POLR1A: variants seen among roughly 807,000 people sequenced by gnomAD.
The protein encoded by POLR1A is RNA polymerase I subunit A.
POLR1A carries 84 observed loss-of-function variants against 205.3 expected under a neutral mutation model. The ratio of observed to expected loss-of-function variants is 0.41; its 90% CI spans 0.34 to 0.49. The LOEUF is 0.49. POLR1A is among the 20% of genes least tolerant of loss of function. The pLI, the probability that POLR1A is intolerant of heterozygous loss-of-function variation, is 0.22. For missense variants in POLR1A, 1,645 were observed against 2,204.5 expected (o/e 0.75, Z 5.08); for synonymous variants, 799 against 863.7 (o/e 0.93, Z 1.31).
chr2:86,101,431 G>C (rs1446887803), intron 1 of POLR1A, among the ~76,000 whole-genome samples: 1 of 152,086 alleles, frequency 6.6e-6, no homozygotes, highest in African/African-American at 2.4e-5. Context: ...TCACTCTAAG[G>C]GCCAAGGCGA....
intron 29 of POLR1A, among the ~76,000 whole-genome samples, chr2:86,032,018 A>G (rs75657314): frequency 0.023 from 3,559 of 152,252 alleles, 91 homozygotes; most frequent in East Asian, 0.098. Context: ...GCCTGTCTGG[A>G]TCCTTGAGTC....
intron 24 of POLR1A, among the ~76,000 whole-genome samples, chr2:86,041,190 T>TGCACGCGC (rs1553433562): frequency 2.4e-5 from 1 of 41,926 alleles, no homozygotes; most frequent in Non-Finnish European, 6.8e-5. Flanking sequence ...TGTGTGTGTG[T>TGCACGCGC]GCGCGCTGAG....
chr2:86,078,033 C>T (rs1558779975), intron 10 of POLR1A, 52 bp from the exon 11 acceptor site: 4 of 1,612,958 alleles, frequency 2.5e-6, no homozygotes, highest in East Asian at 2.2e-5. Flanking sequence ...TTCCAGTAGG[C>T]TTATTAGTTT....
rs760044629 is a variant in POLR1A at position 86,027,438 on chromosome 2, C to A, written c.5148G>T (p.Lys1716Asn). Reference sequence around the variant, plus strand: ...GGGGTAGCTGCTATCTCAGAGGCTGCTTGAGCTCGAACAGGCCTGTCCCGC... The same window carrying A: ...GGGGTAGCTGCTATCTCAGAGGCTGATTGAGCTCGAACAGGCCTGTCCCGC... ...VRGGTGLFELKQPLR is the reference protein window; with the variant it reads ...VRGGTGLFELNQPLR The change falls in exon 34 of 34, where the codon AAG (lysine) becomes AAT (asparagine). Residue 1716 changes from lysine (K) to asparagine (N), a missense_variant. Coordinates refer to ENST00000263857, the MANE Select transcript of POLR1A (RefSeq NM_015425.6). 1.2e-6 allele frequency: 2 copies of A among 1,613,950 alleles called. No homozygotes were observed. Among genetic ancestry groups the A allele is most frequent in the Admixed American group, 3.3e-5 (2 of 60,010 alleles).
Position 86,070,293 on chromosome 2 carries a change from T to G in POLR1A, c.1612-21A>C. Reference sequence around the variant, plus strand: ...CACACCTGGGAACAGAGTGGACAGGTGGGTGATCAGTGCAAACGTCAGTAT... The same window carrying G: ...CACACCTGGGAACAGAGTGGACAGGGGGGTGATCAGTGCAAACGTCAGTAT... On this transcript the variant is annotated intron_variant, in intron 12 of 33. Transcript: ENST00000263857. This position sits in a 1 kb window ranked among gnomAD's most constrained non-coding sequence, Gnocchi z 4.4. 6.3e-7 allele frequency: 1 copy of G among 1,590,786 alleles called. No homozygotes were observed. The highest frequency in any genetic ancestry group is 8.6e-7 in the Non-Finnish European group (1 of 1,166,332).
At chr2:86,105,173 A>G (rs1349560231) in intron 1 of POLR1A, among the ~76,000 whole-genome samples, 1 of 152,228 alleles carries the variant, frequency 6.6e-6, no homozygotes, top group Non-Finnish European at 1.5e-5. Context: ...AGGTTCTGGA[A>G]GAAAGGAAAG....
intron 19 of POLR1A, among the ~76,000 whole-genome samples, chr2:86,046,240 G>A (rs1672707950): frequency 6.6e-6 from 1 of 151,920 alleles, no homozygotes. Flanking sequence ...GACCACCCTG[G>A]GCAATACAGG....
chr2:86,075,239 AGGTC>A lies in POLR1A; in HGVS notation c.1398_1401del (p.Tyr468HisfsTer39). The A allele has an allele frequency of 6.2e-7, 1 of 1,608,740 alleles. No individual in the cohort carries two copies. Among genetic ancestry groups the A allele is most frequent in the Non-Finnish European group, 8.5e-7 (1 of 1,176,958 alleles). On this transcript the variant is annotated frameshift_variant, in exon 12 of 34. Coordinates refer to ENST00000263857, the MANE Select transcript of POLR1A (RefSeq NM_015425.6). LOFTEE classifies it high-confidence loss of function. ...TTCCATGGGGTAACTGGCTGTGGGT[AGGTC>A]AGTTTTGTGGCAAACACCTGGAAAT... is the stretch of plus-strand genomic sequence containing the variant.
chr2:86,101,455 C>A (rs952514928), intron 1 of POLR1A, among the ~76,000 whole-genome samples: 5 of 152,190 alleles, frequency 3.3e-5, no homozygotes, highest in African/African-American at 1.2e-4. Flanking sequence ...GGAGGCAGAT[C>A]TGCTGCTGTG....
rs761293978 is a variant in POLR1A at position 86,021,662 on chromosome 2, C to T, written c.*5761G>A. ...AGACGGTGAACTGGCTTGTTTGGGG[C>T]AGAAGACTACAAGTTCTGTGAGGGC... On this transcript the variant is annotated 3_prime_UTR_variant, in exon 34 of 34. Coordinates refer to ENST00000263857, the MANE Select transcript of POLR1A (RefSeq NM_015425.6). The T allele has an allele frequency of 1.3e-5, 2 of 151,722 alleles. No homozygotes were observed. Among genetic ancestry groups the T allele is most frequent in the African/African-American group, 2.4e-5 (1 of 41,216 alleles). The allele number at this position is 151,722 out of a possible 1,614,324, so 9.4% of individuals were successfully genotyped here.
At position 86,044,181 on chromosome 2, in the gene POLR1A, G is replaced by A; in HGVS notation, c.3093C>T (p.Phe1031=). The change falls in exon 22 of 34, where the codon TTC becomes TTT. Residue 1031 remains phenylalanine (F), a synonymous_variant. Coordinates refer to ENST00000263857, the MANE Select transcript of POLR1A (RefSeq NM_015425.6). ...GGAAGGGGAACTGCTTGGGCTGCAG[G>A]AACTGTGTCTTGGGGATGTCCAGGC... is the stretch of plus-strand genomic sequence containing the variant. ...EDGLDIPKTQ[F]LQPKQFPFLA... 5.0e-6 allele frequency: 8 copies of A among 1,614,166 alleles called. No homozygotes were observed. Among genetic ancestry groups the A allele is most frequent in the African/African-American group, 2.7e-5 (2 of 75,044 alleles).
At chr2:86,082,841 G>A (rs1673428766) in intron 7 of POLR1A, among the ~76,000 whole-genome samples, 2 of 152,312 alleles carry the variant, frequency 1.3e-5, no homozygotes, top group South Asian at 4.1e-4. Context: ...CCCACCTGCA[G>A]TTGTCATTTC....
At position 86,027,173 on chromosome 2, in the gene POLR1A, A is replaced by G; in HGVS notation, c.*250T>C. On this transcript the variant is annotated 3_prime_UTR_variant, in exon 34 of 34. Transcript: ENST00000263857. ...CCCAGCCATCTCAGGGGGACTCAGA[A>G]GACTTGGTAAACCTTGATAAAAATC... The G allele has an allele frequency of 1.8e-6, 1 of 555,218 alleles. No homozygotes were observed. The highest frequency in any genetic ancestry group is 3.2e-6 in the Non-Finnish European group (1 of 308,908). The allele number at this position is 555,218 out of a possible 1,614,324, so 34.4% of individuals were successfully genotyped here.
intron 19 of POLR1A, among the ~76,000 whole-genome samples, chr2:86,046,446 T>C (rs1208549778): frequency 6.6e-6 from 1 of 152,186 alleles, no homozygotes; most frequent in African/African-American, 2.4e-5. Context: ...GCCTTTCTGT[T>C]GTCACACTCA....
intron 6 of POLR1A, among the ~76,000 whole-genome samples, chr2:86,084,366 G>A (rs1468384834): frequency 1.3e-5 from 2 of 151,542 alleles, no homozygotes; most frequent in Non-Finnish European, 2.9e-5. Flanking sequence ...GTAGGGAGCC[G>A]AGATCGTATC....
At chr2:86,079,687 T>C (rs534240752) in intron 9 of POLR1A, among the ~76,000 whole-genome samples, 3 of 151,688 alleles carry the variant, frequency 2.0e-5, no homozygotes, top group African/African-American at 7.3e-5. Context: ...CTCAGCCCCC[T>C]GAGTAGCTGG....
At chr2:86,031,010 T>C (rs1399773841) in intron 30 of POLR1A, among the ~76,000 whole-genome samples, 1 of 152,228 alleles carries the variant, frequency 6.6e-6, no homozygotes, top group Non-Finnish European at 1.5e-5. Context: ...CTAAAGGGCC[T>C]GGTAGATCAG....
At position 86,049,067 on chromosome 2, in the gene POLR1A, G is replaced by A. The variant is rs199782433; in HGVS notation, c.2476-25C>T. 1.4e-5 allele frequency: 22 copies of A among 1,614,056 alleles called. 1 individual carries two copies. Among genetic ancestry groups the A allele is most frequent in the South Asian group, 1.3e-4 (12 of 91,080 alleles). ...CCTAGAATGAGAACAGAAACACAGC[G>A]GAGGCTGAGGCCAAACGACGAGAGT... On this transcript the variant is annotated intron_variant, in intron 17 of 33. Transcript: ENST00000263857.
At chr2:86,030,032 C>T (rs770404221) in intron 31 of POLR1A, among the ~76,000 whole-genome samples, 164 bp downstream of exon 31, 11 of 152,162 alleles carry the variant, frequency 7.2e-5, no homozygotes, top group African/African-American at 1.7e-4. Flanking sequence ...GGGAGGCAGA[C>T]GAGGACACGC....
Sources: allele counts gnomAD v4.1 joint callset (sites outside exome capture counted in the v4.1 genomes callset), GRCh38; gene constraint gnomAD v4.1.1; non-coding constraint Gnocchi (gnomAD v3.1); transcripts MANE v1.5; gene names NCBI Gene and HGNC (gene_info 2026-07-23, HGNC 2026-07-21).